Variants in ASPM observed in about 807,000 individuals in gnomAD.
ASPM encodes the protein assembly factor for spindle microtubules, also known as abnormal spindle-like microcephaly-associated protein.
ASPM carries 256 observed loss-of-function variants against 366.4 expected under a neutral mutation model. That is an observed-to-expected ratio of 0.70 (90% CI 0.63 to 0.77). The LOEUF (loss-of-function observed/expected upper bound fraction) is 0.77, where lower values mean the gene tolerates loss of function less well. Among genes scored for constraint, ASPM ranks in the 30% least tolerant of loss-of-function variants. The pLI, the probability that ASPM is intolerant of heterozygous loss-of-function variation, is 0.00. For missense variants in ASPM, 4,146 were observed against 4,090.4 expected (o/e 1.01, Z -0.37); for synonymous variants, 1,414 against 1,342.9 (o/e 1.05, Z -1.16).
Position 197,142,455 on chromosome 1 carries a change from G to T in ASPM, c.1797C>A (p.Ile599=). 1 of 1,613,906 alleles carries T rather than the reference G, an allele frequency of 6.2e-7. No homozygotes were observed. The highest frequency in any genetic ancestry group is 8.5e-7 in the Non-Finnish European group (1 of 1,179,836). The change falls in exon 3 of 28, where the codon ATC becomes ATA. Residue 599 remains isoleucine, a synonymous_variant. Coordinates refer to ENST00000367409, the MANE Select transcript of ASPM (RefSeq NM_018136.5). ...AITEHTEVRE[I]KRIHFSPSEP... ...CTGAGGGAGAAAAATGGATTCTTTT[G>T]ATTTCTCGCACTTCTGTATGTTCTG...
chr1:197,095,239 C>A (rs554895977), intron 19 of ASPM, among the ~76,000 whole-genome samples: 1 of 151,684 alleles, frequency 6.6e-6, no homozygotes, highest in African/African-American at 2.4e-5. Flanking sequence ...TCGTTATCCA[C>A]CCCTCCCCTC....
At chr1:197,084,458 AT>A in intron 27 of ASPM, 32 bp from the exon 28 acceptor site, 3 of 1,454,298 alleles carry the variant, frequency 2.1e-6, no homozygotes, top group Middle Eastern at 1.7e-4. Flanking sequence ...TCTGGCATTA[AT>A]AAAGTTCTTC....
At chr1:197,130,163 T>C (rs1244975078) in intron 7 of ASPM, 107 bp from the exon 8 acceptor site, 1 of 1,160,356 alleles carries the variant, frequency 8.6e-7, no homozygotes, top group Non-Finnish European at 1.3e-6. Flanking sequence ...AATGTTCTAC[T>C]TTCTAAATGA....
At position 197,143,658 on chromosome 1, in the gene ASPM, C is replaced by T; in HGVS notation, c.594G>A (p.Leu198=). 2 of 1,613,612 alleles carry T rather than the reference C, an allele frequency of 1.2e-6. No individual in the cohort carries two copies. Among genetic ancestry groups the T allele is most frequent in the South Asian group, 2.2e-5 (2 of 91,072 alleles). The part of the protein sequence containing the change: ...VRSPLQACEN[L]AMNEGGPPTE... ...TTGGGGGACCGCCTTCATTCATAGC[C>T]AAGTTTTCACAAGCTTGTAGTGGGC... Residue 198 remains leucine, a synonymous_variant, in exon 3 of 28, where the codon TTG becomes TTA. Coordinates refer to ENST00000367409, the MANE Select transcript of ASPM (RefSeq NM_018136.5).
In ASPM at chr1:197,100,479, T is replaced by C. The variant is rs1326791170; in HGVS notation, c.8772A>G (p.Ile2924Met). ...TAATTTCCTGAAACTTCCGTTTCTG[T>C]ATAAATCCTTTACTTCTAGCTTGAA... ...IIIQARSKGF[I>M]QKRKFQEIKN... is the part of the protein sequence containing the mutation. The change falls in exon 18 of 28, where the codon ATA (isoleucine) becomes ATG (methionine). Residue 2924 changes from isoleucine to methionine, a missense_variant. Around this residue, in one of 3 missense-constraint regions of ASPM, gnomAD observed 3,624 missense variants for 3,591.7 expected, o/e 1.01. Transcript: ENST00000367409. 1 of 1,600,206 alleles carries C rather than the reference T, an allele frequency of 6.2e-7. No homozygotes were observed. Among genetic ancestry groups the C allele is most frequent in the East Asian group, 2.2e-5 (1 of 44,584 alleles).
chr1:197,130,470 A>G (rs1055888924), intron 7 of ASPM, among the ~76,000 whole-genome samples: 6 of 152,226 alleles, frequency 3.9e-5, no homozygotes, highest in Non-Finnish European at 5.9e-5. Flanking sequence ...ACATCTGCAA[A>G]TCATCCAAGA....
At chr1:197,129,133 G>A (rs1398960583) in intron 9 of ASPM, 54 bp downstream of exon 9, 1 of 1,578,634 alleles carries the variant, frequency 6.3e-7, no homozygotes, top group South Asian at 1.1e-5. Flanking sequence ...ATGAAAGCAA[G>A]CAAAAGTCGT....
chr1:197,100,894 G>A lies in ASPM; in HGVS notation c.8357C>T (p.Ala2786Val). ...AATCATAACACCTTCACTTTGAACA[G>A]CTTCATACTGAGTTTTACTTCTGTA... is the stretch of plus-strand genomic sequence containing the variant. ...CCYRSKTQYEAVQSEGVMIQE... is the reference protein window; with the variant it reads ...CCYRSKTQYEVVQSEGVMIQE... Residue 2786 changes from alanine to valine, a missense_variant, in exon 18 of 28, where the codon GCT becomes GTT. Ala to Val is a moderately conservative substitution (Grantham distance 64, BLOSUM62 0). Coordinates refer to ENST00000367409, the MANE Select transcript of ASPM (RefSeq NM_018136.5). The A allele has an allele frequency of 6.2e-7, 1 of 1,612,680 alleles. No homozygotes were observed. The highest frequency in any genetic ancestry group is 8.5e-7 in the Non-Finnish European group (1 of 1,179,164).
intron 19 of ASPM, among the ~76,000 whole-genome samples, chr1:197,095,719 G>C (rs142842039): frequency 1.3e-5 from 2 of 151,262 alleles, no homozygotes; most frequent in Admixed American, 1.3e-4. Context: ...CACTTCCTAC[G>C]TCTCTGTCCT....
intron 4 of ASPM, chr1:197,138,794 G>A (rs1658495373): frequency 2.7e-6 from 2 of 746,672 alleles, no homozygotes; most frequent in Admixed American, 3.5e-5. Flanking sequence ...GCTCAGCTGA[G>A]TCTGCAGTGC....
rs1178977586 is a variant in ASPM, at chr1:197,142,420, G to A, written c.1832C>T (p.Thr611Ile). ...ATTTTTTGTTTTCTTAACAGCTGAT[G>A]TTTTAGGCTCTGAGGGAGAAAAATG... ...RIHFSPSEPK[T>I]SAVKKTKNVT... is the part of the protein sequence containing the mutation. The change falls in exon 3 of 28, where the codon ACA (threonine) becomes ATA (isoleucine). Residue 611 changes from threonine (T) to isoleucine (I), a missense_variant. Transcript: ENST00000367409. 2.5e-6 allele frequency: 4 copies of A among 1,613,764 alleles called. No homozygotes were observed. The highest frequency in any genetic ancestry group is 1.7e-5 in the Admixed American group (1 of 60,000).
chr1:197,099,354 T>C (rs1657083723), intron 18 of ASPM, among the ~76,000 whole-genome samples: 1 of 151,664 alleles, frequency 6.6e-6, no homozygotes, highest in Non-Finnish European at 1.5e-5. Context: ...TCTTACTCCC[T>C]CTATTGCCAA....
rs751307997 is a variant in ASPM at position 197,143,438 on chromosome 1, TAAAA to T, written c.810_813del (p.Phe271MetfsTer5). On this transcript the variant is annotated frameshift_variant, in exon 3 of 28. Coordinates refer to ENST00000367409, the MANE Select transcript of ASPM (RefSeq NM_018136.5). LOFTEE classifies it high-confidence loss of function. ...GAAGTTTCAGTTACAGCTTTCTCAT[TAAAA>T]GAAACTTTTGAAACGTTGGCACTGT... 6.2e-7 allele frequency: 1 copy of T among 1,614,050 alleles called. No homozygotes were observed. The highest frequency in any genetic ancestry group is 1.1e-5 in the South Asian group (1 of 91,082).
At position 197,086,785 on chromosome 1, in the gene ASPM, C is replaced by T. The variant is rs571179573; in HGVS notation, c.10331+18G>A. On this transcript the variant is annotated intron_variant, in intron 27 of 27. Coordinates refer to ENST00000367409, the MANE Select transcript of ASPM (RefSeq NM_018136.5). The stretch of plus-strand genomic sequence containing the variant: ...ATGAACAGTGACACAAATTTATGGA[C>T]TATATTTAATTGCTTACCTTGAAAC... 8.3e-4 allele frequency: 1,303 copies of T among 1,574,600 alleles called. 17 individuals are homozygous for T. In the South Asian group the frequency reaches 0.013, roughly 16 times the overall value.
In ASPM at chr1:197,146,350, C is replaced by A. The variant is rs1658781188; in HGVS notation, c.88G>T (p.Glu30Ter). 6.2e-7 allele frequency: 1 copy of A among 1,611,418 alleles called. No individual in the cohort carries two copies. Among genetic ancestry groups the A allele is most frequent in the Non-Finnish European group, 8.5e-7 (1 of 1,179,660 alleles). ...PPAGLRGPAAEEEASSPPVLS... is the reference protein window; with the variant it reads ...PPAGLRGPAA ...ACCGGCGGGGAAGACGCCTCCTCCT[C>A]GGCCGCGGGGCCCCGCAGCCCCGCG... The change falls in exon 1 of 28, where the codon GAG becomes TAG. Residue 30 changes from glutamate to a stop codon, truncating the protein, a stop_gained. Coordinates refer to ENST00000367409, the MANE Select transcript of ASPM (RefSeq NM_018136.5). LOFTEE classifies it high-confidence loss of function.
At chr1:197,084,477 A>C in intron 27 of ASPM, 51 bp from the exon 28 acceptor site, 1 of 1,270,682 alleles carries the variant, frequency 7.9e-7, no homozygotes, top group Non-Finnish European at 1.1e-6. Context: ...TTCTCTTTAG[A>C]GTTACCTTCA....
rs199853196 is a variant in ASPM, at chr1:197,102,086, C to G, written c.7165G>C (p.Val2389Leu). The change falls in exon 18 of 28, where the codon GTG becomes CTG. Residue 2389 changes from valine (V) to leucine (L), a missense_variant. Val to Leu is a conservative substitution (Grantham distance 32). Around this residue, in one of 3 missense-constraint regions of ASPM, gnomAD observed 3,624 missense variants for 3,591.7 expected, o/e 1.01. Transcript: ENST00000367409. ...QHYLRQRHSA[V>L]ILQAAFRGMK... ...CCCCTGAATGCAGCCTGAAGGATCA[C>G]AGCAGAGTGTCTTTGTCTGAGATAA... 6.8e-6 allele frequency: 11 copies of G among 1,612,972 alleles called. No individual in the cohort carries two copies. The African/African-American group carries it at 1.5e-4, about 22-fold the overall frequency.
chr1:197,108,658 T>C (rs1006641649), intron 17 of ASPM, among the ~76,000 whole-genome samples: 4 of 151,882 alleles, frequency 2.6e-5, no homozygotes, highest in Non-Finnish European at 4.4e-5. Context: ...CAAAGATAAA[T>C]AGTCCTATAC....
At chr1:197,098,001 AAT>A (rs10581454) in intron 18 of ASPM, among the ~76,000 whole-genome samples, 28,605 of 147,718 alleles carry the variant, frequency 0.19, 3,925 homozygotes, top group East Asian at 0.69. Flanking sequence ...TATATTTACA[AAT>A]ATATATATAT....
Sources: gnomAD v4.1 joint callset for allele counts (sites outside exome capture counted in the v4.1 genomes callset) on GRCh38, gnomAD v4.1.1 for gene constraint, gnomAD v4.1.1 regional missense constraint, MANE v1.5 for transcripts, NCBI Gene and HGNC (gene_info 2026-07-23, HGNC 2026-07-21) for gene names.